The following ASIC2 variants were observed in gnomAD, a reference collection of about 807,000 sequenced individuals.
The protein encoded by ASIC2 is acid sensing ion channel subunit 2.
ASIC2 carries 25 observed loss-of-function variants against 57.3 expected under a neutral mutation model. The observed-to-expected ratio is 0.44, with a 90% CI of 0.32 to 0.61. The LOEUF (loss-of-function observed/expected upper bound fraction) is 0.61. ASIC2 is among the 20% of genes least tolerant of loss of function. The pLI, the probability that ASIC2 is intolerant of heterozygous loss-of-function variation, is 0.06. For synonymous variants in ASIC2, 319 were observed against 307.5 expected, an observed-to-expected ratio of 1.04 and a Z score of -0.39; for missense variants, 641 against 738.1, an observed-to-expected ratio of 0.87 and a Z score of 1.52.
Position 33,979,266 on chromosome 17 carries a change from C to T in ASIC2, c.555+176712G>A, listed in dbSNP as rs188596174. On this transcript the variant is annotated intron_variant, in intron 1 of 9. Transcript: ENST00000359872. ...ACCATTCACACTACCTGCCTCTATCCGTCCTTCCTTCCTGCATGAGACCTG... is the reference window on the plus strand; with the variant it reads ...ACCATTCACACTACCTGCCTCTATCTGTCCTTCCTTCCTGCATGAGACCTG... 4.9e-4 allele frequency among the ~76,000 whole-genome samples: 74 copies of T among 152,268 alleles called. 1 individual carries two copies. The highest frequency in any genetic ancestry group is 3.5e-3 in the Admixed American group (54 of 15,298).
intron 1 of ASIC2, among the ~76,000 whole-genome samples, chr17:34,141,508 A>G (rs1912272485): frequency 3.3e-5 from 5 of 152,136 alleles, no homozygotes; most frequent in Admixed American, 3.3e-4. Context: ...GTAATCTTTT[A>G]TTTACTGTTT....
At chr17:33,039,248 C>T (rs1315921426) in intron 3 of ASIC2, among the ~76,000 whole-genome samples, 1 of 152,150 alleles carries the variant, frequency 6.6e-6, no homozygotes, top group Non-Finnish European at 1.5e-5. Flanking sequence ...AGGGATTGGA[C>T]ATTTGCTCAC....
intron 1 of ASIC2, among the ~76,000 whole-genome samples, chr17:33,717,758 C>T (rs1052223990): frequency 4.6e-5 from 7 of 152,138 alleles, no homozygotes; most frequent in African/African-American, 1.4e-4. Context: ...CTCCCTGTAA[C>T]TCAGGGGCCT....
At chr17:33,982,961 G>A (rs1220258826) in intron 1 of ASIC2, among the ~76,000 whole-genome samples, 4 of 152,190 alleles carry the variant, frequency 2.6e-5, no homozygotes, top group Non-Finnish European at 5.9e-5. Context: ...TTAGCAAGGT[G>A]GAAACAGCAT....
chr17:33,662,641 A>G (rs138575253), intron 1 of ASIC2, among the ~76,000 whole-genome samples: 69 of 135,716 alleles, frequency 5.1e-4, no homozygotes, highest in African/African-American at 1.7e-3. Context: ...ATAAATAAAT[A>G]AATAAATAAA....
chr17:33,339,129 C>A (rs373132295), intron 1 of ASIC2, among the ~76,000 whole-genome samples: 1 of 152,000 alleles, frequency 6.6e-6, no homozygotes, highest in Non-Finnish European at 1.5e-5. Flanking sequence ...AAAAATAAAG[C>A]CTTTGCAGGG....
intron 1 of ASIC2, among the ~76,000 whole-genome samples, chr17:33,368,804 C>T (rs1334286658): frequency 6.6e-6 from 1 of 152,186 alleles, no homozygotes; most frequent in Non-Finnish European, 1.5e-5. Context: ...CTTTCTTTCT[C>T]TGCCCTCCTT....
chr17:33,109,727 G>T (rs2092249181), intron 2 of ASIC2, among the ~76,000 whole-genome samples: 1 of 152,222 alleles, frequency 6.6e-6, no homozygotes, highest in South Asian at 2.1e-4. Flanking sequence ...AATTGGTATA[G>T]CTCATCATCC....
chr17:33,943,056 A>G (rs955876445), intron 1 of ASIC2, among the ~76,000 whole-genome samples: 2 of 152,228 alleles, frequency 1.3e-5, no homozygotes, highest in African/African-American at 4.8e-5. Context: ...GGTAGGTACT[A>G]TTGTACCTAT....
chr17:33,637,934 C>G (rs552615263), intron 1 of ASIC2, among the ~76,000 whole-genome samples: 27 of 152,196 alleles, frequency 1.8e-4, no homozygotes, highest in African/African-American at 6.3e-4. Context: ...ACGGGTGCTG[C>G]TGATTGGCTG....
At chr17:33,209,224 C>T (rs145522755) in intron 1 of ASIC2, among the ~76,000 whole-genome samples, 1 of 152,302 alleles carries the variant, frequency 6.6e-6, no homozygotes, top group Non-Finnish European at 1.5e-5. Flanking sequence ...CAGTCTTCTG[C>T]CATGTCACAG....
intron 1 of ASIC2, among the ~76,000 whole-genome samples, chr17:33,920,413 G>A (rs1277089876): frequency 2.0e-5 from 3 of 152,138 alleles, no homozygotes; most frequent in African/African-American, 7.2e-5. Flanking sequence ...GCAGCAACAT[G>A]GATGCAGGTG....
At chr17:33,137,056 G>A (rs11656010) in intron 1 of ASIC2, among the ~76,000 whole-genome samples, 40,544 of 152,064 alleles carry the variant, frequency 0.27, 5,569 homozygotes, top group East Asian at 0.4. Context: ...GAAGTGGAAC[G>A]TAGCTAACAT....
chr17:33,338,437 G>A (rs1655171033), intron 1 of ASIC2, among the ~76,000 whole-genome samples: 1 of 152,186 alleles, frequency 6.6e-6, no homozygotes, highest in Non-Finnish European at 1.5e-5. Context: ...ATCAGGGGTG[G>A]CTTCCTGGAG....
chr17:33,231,406 A>G (rs1300013786), intron 1 of ASIC2, among the ~76,000 whole-genome samples: 1 of 152,186 alleles, frequency 6.6e-6, no homozygotes, highest in Non-Finnish European at 1.5e-5. Flanking sequence ...AGGACTGCTC[A>G]TGCTATACAG....
chr17:33,304,149 C>A (rs1220589345), intron 1 of ASIC2, among the ~76,000 whole-genome samples: 1 of 152,166 alleles, frequency 6.6e-6, no homozygotes, highest in Non-Finnish European at 1.5e-5. Flanking sequence ...GAAATTATGA[C>A]ACTTTAAGAA....
chr17:33,307,276 CCTTCTTCTT>C lies in ASIC2; in HGVS notation c.556-195218_556-195210del, dbSNP rs112981249. 2.6e-3 allele frequency among the ~76,000 whole-genome samples: 384 copies of C among 147,688 alleles called. 1 individual carries two copies. Among genetic ancestry groups the C allele is most frequent in the African/African-American group, 6.7e-3 (265 of 39,806 alleles). ...TCCTCCTTCTCTTCCTCCTCCTCTT[CCTTCTTCTT>C]CTTCTTCTTCTTCTTCTTCTTTTTC... On this transcript the variant is annotated intron_variant, in intron 1 of 9. Coordinates refer to the ASIC2 transcript ENST00000359872.
chr17:33,375,926 G>A (rs1005487599), intron 1 of ASIC2, among the ~76,000 whole-genome samples: 1 of 152,158 alleles, frequency 6.6e-6, no homozygotes, highest in Non-Finnish European at 1.5e-5. Context: ...GGTTTTGGGG[G>A]TGGAGATAAG....
chr17:33,989,312 G>T (rs1905929548), intron 1 of ASIC2, among the ~76,000 whole-genome samples: 5 of 152,068 alleles, frequency 3.3e-5, no homozygotes. Flanking sequence ...GCTCAGTGGA[G>T]AAAGCAGGCC....
Sources: gnomAD v4.1 joint callset for allele counts (sites outside exome capture counted in the v4.1 genomes callset) on GRCh38, gnomAD v4.1.1 for gene constraint, MANE v1.5 for transcripts, NCBI Gene and HGNC (gene_info 2026-07-23, HGNC 2026-07-21) for gene names.